Variants in BOK observed in about 807,000 individuals in gnomAD.
BOK encodes bcl-2-related ovarian killer protein.
BOK carries 20 observed loss-of-function variants against 18.3 expected under a neutral mutation model. The observed-to-expected ratio is 1.09, with a 90% CI of 0.77 to 1.59. BOK has a LOEUF of 1.59. BOK is among the 40% of genes most tolerant of loss of function. The probability of loss-of-function intolerance (pLI) is 0.00; values close to 1 mark genes in which losing one functional copy is unlikely to be tolerated. For synonymous variants in BOK, 173 were observed against 142.4 expected, an observed-to-expected ratio of 1.21 and a Z score of -1.53; for missense variants, 348 against 307.9, an observed-to-expected ratio of 1.13 and a Z score of -0.97.
chr2:241,552,933 T>G (rs977961031), intron 1 of BOK, among the ~76,000 whole-genome samples: 2 of 152,110 alleles, frequency 1.3e-5, no homozygotes, highest in Non-Finnish European at 2.9e-5. Context: ...AGCAGAAAGA[T>G]TCCGGGCGGC....
In BOK at chr2:241,570,099, G is replaced by C. The variant is rs199873368; in HGVS notation, c.350-26G>C. The C allele has an allele frequency of 4.4e-6, 7 of 1,605,524 alleles. No homozygotes were observed. The African/African-American group carries it at 8.0e-5, about 18-fold the overall frequency. On this transcript the variant is annotated intron_variant, in intron 3 of 4. Coordinates refer to ENST00000318407, the MANE Select transcript of BOK (RefSeq NM_032515.5). ...CTCCCGTGGGCGGGATTCAAGTCCT[G>C]ATCTTGACCATCTCTCTCCCTGCAG...
At chr2:241,571,600 G>A (rs367981324) in intron 4 of BOK, among the ~76,000 whole-genome samples, 62 of 152,292 alleles carry the variant, frequency 4.1e-4, no homozygotes, top group Middle Eastern at 3.4e-3. Flanking sequence ...CAAGACTTCC[G>A]TCCCCTCCTG....
At chr2:241,553,653 A>C (rs781777521) in intron 1 of BOK, among the ~76,000 whole-genome samples, 4 of 152,194 alleles carry the variant, frequency 2.6e-5, no homozygotes, top group South Asian at 2.1e-4. Flanking sequence ...ATCTCGTGAG[A>C]ACTCACTCAC....
At chr2:241,555,977 C>T (rs6718026), upstream of BOK, among the ~76,000 whole-genome samples, 107,218 of 152,130 alleles carry the variant, frequency 0.7, 38,873 homozygotes, top group African/African-American at 0.87. Flanking sequence ...CCTGCAAGTA[C>T]AGGCTCTTCC....
intron 4 of BOK, 44 bp from the exon 5 acceptor site, chr2:241,572,253 C>A: frequency 6.3e-7 from 1 of 1,595,890 alleles, no homozygotes; most frequent in Non-Finnish European, 8.5e-7. Context: ...GGGGGCCTGG[C>A]GGTGCTGGCT....
upstream of BOK, among the ~76,000 whole-genome samples, chr2:241,556,073 C>T (rs1047444321): frequency 6.6e-5 from 10 of 152,164 alleles, no homozygotes; most frequent in African/African-American, 1.7e-4. Flanking sequence ...ACTCCTTGGG[C>T]GAGATCTTTT....
At chr2:241,558,724 A>C (rs1011347125), upstream of BOK, 4 of 152,262 alleles carry the variant, frequency 2.6e-5, no homozygotes, top group African/African-American at 9.6e-5. Flanking sequence ...TTCCCTTAGA[A>C]GGCCAAGCCC....
intron 3 of BOK, among the ~76,000 whole-genome samples, chr2:241,569,599 G>A (rs957299728): frequency 2.0e-5 from 3 of 152,102 alleles, no homozygotes; most frequent in African/African-American, 7.2e-5. Context: ...TCTCGCTCAC[G>A]TATAAGACGT....
chr2:241,553,626 C>A (rs1040673644), intron 1 of BOK, among the ~76,000 whole-genome samples: 4 of 152,232 alleles, frequency 2.6e-5, no homozygotes, highest in Admixed American at 2.6e-4. Flanking sequence ...AGGTGCCACA[C>A]GCTTTTAAAG....
Position 241,559,550 on chromosome 2 carries a change from A to C in BOK, c.67A>C (p.Thr23Pro). Residue 23 changes from threonine to proline, a missense_variant, in exon 2 of 5, where the codon ACA becomes CCA. By Grantham distance (38) the Thr-to-Pro change is conservative. Transcript: ENST00000318407. ...CATGGACGCCTTTGACCGCTCGCCC[A>C]CAGACAAGGAGCTGGTGGCCCAGGC... Reference protein sequence around the residue: ...EIMDAFDRSPTDKELVAQAKA... With the variant: ...EIMDAFDRSPPDKELVAQAKA... 6.5e-7 allele frequency: 1 copy of C among 1,527,574 alleles called. No individual in the cohort carries two copies. The highest frequency in any genetic ancestry group is 8.7e-7 in the Non-Finnish European group (1 of 1,146,544). The allele number at this position is 1,527,574 out of a possible 1,614,324, so 94.6% of individuals were successfully genotyped here.
At chr2:241,556,388 T>C (rs551857787), upstream of BOK, among the ~76,000 whole-genome samples, 1 of 152,176 alleles carries the variant, frequency 6.6e-6, no homozygotes, top group African/African-American at 2.4e-5. Flanking sequence ...ATCGAGACCA[T>C]CCTGGCCAAC....
At chr2:241,553,910 C>T (rs2066432335), upstream of BOK, among the ~76,000 whole-genome samples, 1 of 152,186 alleles carries the variant, frequency 6.6e-6, no homozygotes, top group Non-Finnish European at 1.5e-5. Context: ...TGGAAGCCTT[C>T]CAAGACCGGC....
Position 241,553,496 on chromosome 2 carries a change from G to T in BOK, n.54+2019G>T, listed in dbSNP as rs186402983. Among the ~76,000 whole-genome samples, 139 of 152,290 alleles carry T rather than the reference G, an allele frequency of 9.1e-4. 2 individuals carry two copies. The East Asian group carries it at 0.02, about 22-fold the overall frequency. On this transcript the variant is annotated intron_variant and non_coding_transcript_variant, in intron 1 of 1. Coordinates refer to the BOK transcript ENST00000641230. Reference sequence around the variant, plus strand: ...AGAAAAGAGATTTAATTGGCTCACGGTTCCACAGGCTGTACAGGAAGCATG... The same window carrying T: ...AGAAAAGAGATTTAATTGGCTCACGTTTCCACAGGCTGTACAGGAAGCATG...
At chr2:241,561,070 G>T (rs189958370) in intron 2 of BOK, among the ~76,000 whole-genome samples, 300 of 152,322 alleles carry the variant, frequency 2.0e-3, no homozygotes, top group Middle Eastern at 3.4e-3. Context: ...TTTCCATGTC[G>T]TCCCCCGCCC....
Position 241,559,656 on chromosome 2 carries a change from C to G in BOK, c.173C>G (p.Pro58Arg), listed in dbSNP as rs1400044593. 2.9e-6 allele frequency: 4 copies of G among 1,389,428 alleles called. No homozygotes were observed. Among genetic ancestry groups the G allele is most frequent in the Non-Finnish European group, 3.7e-6 (4 of 1,080,346 alleles). 86.1% of individuals were successfully genotyped at this position (1,389,428 alleles called of 1,614,324 possible). A position where few individuals can be genotyped will look rare whatever the true frequency, so the allele number is the denominator to read the frequency against. ...TGGAGCGCGCCCGAGCGTGCCGCGCCGGTCCCGGGACGCCTGGCTGAGGTG... is the reference window on the plus strand; with the variant it reads ...TGGAGCGCGCCCGAGCGTGCCGCGCGGGTCCCGGGACGCCTGGCTGAGGTG... ...LSWSAPERAA[P>R]VPGRLAEVCA... The change falls in exon 2 of 5, where the codon CCG becomes CGG. Residue 58 changes from proline (P) to arginine (R), a missense_variant. Physicochemically the swap from Pro to Arg is moderately radical, Grantham distance 103 (BLOSUM62 -2). Transcript: ENST00000318407.
At chr2:241,566,361 C>T (rs1200037896) in intron 3 of BOK, among the ~76,000 whole-genome samples, 1 of 147,890 alleles carries the variant, frequency 6.8e-6, no homozygotes, top group Non-Finnish European at 1.5e-5. Context: ...TGCAATGGTG[C>T]GATCTCGGCT....
At chr2:241,553,585 C>G (rs1228402201) in intron 1 of BOK, among the ~76,000 whole-genome samples, 2 of 152,144 alleles carry the variant, frequency 1.3e-5, no homozygotes, top group African/African-American at 2.4e-5. Flanking sequence ...ACGTGTCTTA[C>G]GAGGCGGAAG....
At position 241,563,067 on chromosome 2, in the gene BOK, G is replaced by A. The variant is rs1436488571; in HGVS notation, c.349+591G>A. On this transcript the variant is annotated intron_variant, in intron 3 of 4. Transcript: ENST00000318407. ...CGGAGGGCATCCGGAGAACAGCAGC[G>A]CATCTCACCTGGCTGTGCCTGCCTC... Among the ~76,000 whole-genome samples the A allele has an allele frequency of 7.2e-5, 11 of 152,254 alleles. 3 individuals carry two copies. Among genetic ancestry groups the A allele is most frequent in the Admixed American group, 5.9e-4 (9 of 15,304 alleles).
At chr2:241,557,741 T>C (rs117820726), upstream of BOK, among the ~76,000 whole-genome samples, 220 of 152,340 alleles carry the variant, frequency 1.4e-3, 3 homozygotes, top group East Asian at 0.033. Flanking sequence ...ACTGTGATTA[T>C]TGACCCATTG....
Sources: allele counts gnomAD v4.1 joint callset (sites outside exome capture counted in the v4.1 genomes callset), GRCh38; gene constraint gnomAD v4.1.1; transcripts MANE v1.5; gene names NCBI Gene and HGNC (gene_info 2026-07-23, HGNC 2026-07-21).